RALYL: variants seen among roughly 807,000 people sequenced by gnomAD.
RALYL encodes the protein RNA-binding Raly-like protein.
RALYL carries 29 observed loss-of-function variants against 35.1 expected under a neutral mutation model. The observed-to-expected ratio is 0.83, with a 90% CI of 0.61 to 1.13. RALYL has a LOEUF of 1.13. Among genes scored for constraint, RALYL ranks in the 50% most tolerant of loss-of-function variants. The pLI, the probability that RALYL is intolerant of heterozygous loss-of-function variation, is 0.00. For synonymous variants in RALYL, 120 were observed against 127.6 expected (o/e 0.94, Z 0.40); for missense variants, 359 against 360.4 (o/e 1.00, Z 0.03).
chr8:84,285,954 G>T, intron 1 of RALYL, among the ~76,000 whole-genome samples: 1 of 152,126 alleles, frequency 6.6e-6, no homozygotes, highest in East Asian at 1.9e-4. Context: ...GCCTTAGGGA[G>T]ATCACTGAGG....
chr8:84,795,323 T>C (rs555784546), intron 3 of RALYL, among the ~76,000 whole-genome samples: 6 of 152,324 alleles, frequency 3.9e-5, no homozygotes, highest in African/African-American at 1.2e-4. Flanking sequence ...ACTGCCTGAG[T>C]TATCACCCTG....
intron 1 of RALYL, among the ~76,000 whole-genome samples, chr8:84,238,479 T>G (rs1163727054): frequency 6.6e-6 from 1 of 152,146 alleles, no homozygotes; most frequent in Non-Finnish European, 1.5e-5. Context: ...CACGGTTAAA[T>G]TAACATTTGC....
intron 4 of RALYL, among the ~76,000 whole-genome samples, chr8:84,845,171 A>G (rs1003455835): frequency 6.6e-6 from 1 of 152,188 alleles, no homozygotes; most frequent in Non-Finnish European, 1.5e-5. Context: ...TTGTGAGCTT[A>G]TTTGGTTACA....
At chr8:84,237,007 T>C (rs1308891869) in intron 1 of RALYL, among the ~76,000 whole-genome samples, 2 of 152,170 alleles carry the variant, frequency 1.3e-5, no homozygotes, top group Non-Finnish European at 2.9e-5. Flanking sequence ...TAATGATGGC[T>C]GTCAAAATTT....
At chr8:84,425,079 C>G (rs1018884847) in intron 1 of RALYL, among the ~76,000 whole-genome samples, 4 of 152,242 alleles carry the variant, frequency 2.6e-5, no homozygotes, top group African/African-American at 9.6e-5. Context: ...GGGCTCCACC[C>G]AGTTCGAGCT....
intron 1 of RALYL, among the ~76,000 whole-genome samples, chr8:84,391,787 G>C (rs1860756073): frequency 6.6e-6 from 1 of 152,042 alleles, no homozygotes; most frequent in Non-Finnish European, 1.5e-5. Flanking sequence ...TGAGACTTCA[G>C]TAAATATTGG....
chr8:84,351,612 C>T (rs370630100), intron 1 of RALYL, among the ~76,000 whole-genome samples: 20 of 148,906 alleles, frequency 1.3e-4, no homozygotes, highest in African/African-American at 4.8e-4. Context: ...GATAGTCTCC[C>T]ATATTGTTAA....
At chr8:84,692,397 CAT>C (rs1444158111) in intron 2 of RALYL, among the ~76,000 whole-genome samples, 9 of 152,002 alleles carry the variant, frequency 5.9e-5, no homozygotes, top group Middle Eastern at 3.4e-3. Context: ...AGCAATCAAA[CAT>C]AGAATATGAA....
At chr8:84,452,506 T>C (rs747945194) in intron 1 of RALYL, among the ~76,000 whole-genome samples, 1 of 151,942 alleles carries the variant, frequency 6.6e-6, no homozygotes, top group Non-Finnish European at 1.5e-5. Context: ...TTTTTGGTTC[T>C]CATCTCACTA....
At chr8:84,359,833 T>C (rs1168396234) in intron 1 of RALYL, among the ~76,000 whole-genome samples, 1 of 152,144 alleles carries the variant, frequency 6.6e-6, no homozygotes, top group African/African-American at 2.4e-5. Context: ...CACACATGGC[T>C]TTTTATATTT....
intron 1 of RALYL, among the ~76,000 whole-genome samples, chr8:84,332,909 G>A (rs1355447286): frequency 1.3e-5 from 2 of 152,130 alleles, no homozygotes; most frequent in Non-Finnish European, 2.9e-5. Context: ...TGATCCCTGG[G>A]TGATTTCCCT....
intron 1 of RALYL, among the ~76,000 whole-genome samples, chr8:84,526,497 G>T (rs2058910690): frequency 6.6e-6 from 1 of 152,046 alleles, no homozygotes; most frequent in Non-Finnish European, 1.5e-5. Context: ...ATGATTCTTG[G>T]CCTTCTGCAG....
At chr8:84,823,841 C>T (rs1004795792) in intron 4 of RALYL, among the ~76,000 whole-genome samples, 3 of 151,946 alleles carry the variant, frequency 2.0e-5, no homozygotes, top group East Asian at 3.9e-4. Flanking sequence ...AAAATGCATG[C>T]CTTCTATCAG....
intron 2 of RALYL, among the ~76,000 whole-genome samples, chr8:84,682,554 C>A (rs1004353639): frequency 2.0e-5 from 3 of 152,124 alleles, no homozygotes; most frequent in African/African-American, 7.2e-5. Flanking sequence ...CAACTTCTTC[C>A]TGGTTTAGTG....
intron 1 of RALYL, among the ~76,000 whole-genome samples, chr8:84,254,866 A>T (rs904107322): frequency 3.3e-5 from 5 of 151,992 alleles, no homozygotes; most frequent in African/African-American, 1.2e-4. Context: ...ACAAGGTGGC[A>T]GGAAGAATGA....
chr8:84,412,477 T>G (rs2044204887), intron 1 of RALYL, among the ~76,000 whole-genome samples: 1 of 151,928 alleles, frequency 6.6e-6, no homozygotes, highest in Non-Finnish European at 1.5e-5. Flanking sequence ...GGACATTTTT[T>G]GGTCTGAAGA....
At chr8:84,634,628 A>T (rs1824635589) in intron 2 of RALYL, among the ~76,000 whole-genome samples, 1 of 151,806 alleles carries the variant, frequency 6.6e-6, no homozygotes, top group African/African-American at 2.4e-5. Flanking sequence ...TATTCAATAC[A>T]TTTATTAATA....
chr8:84,633,227 A>C (rs149443265), intron 2 of RALYL, among the ~76,000 whole-genome samples: 3 of 151,960 alleles, frequency 2.0e-5, no homozygotes, highest in African/African-American at 7.2e-5. Flanking sequence ...TGTATTATTC[A>C]GAATGTCCTG....
intron 1 of RALYL, among the ~76,000 whole-genome samples, chr8:84,460,325 T>C (rs918568711): frequency 6.6e-6 from 1 of 151,872 alleles, no homozygotes; most frequent in Non-Finnish European, 1.5e-5. Flanking sequence ...AAAATTCCAC[T>C]CCTACAAATT....
Sources: allele counts gnomAD v4.1 joint callset (sites outside exome capture counted in the v4.1 genomes callset), GRCh38; gene constraint gnomAD v4.1.1; transcripts MANE v1.5; gene names NCBI Gene and HGNC (gene_info 2026-07-23, HGNC 2026-07-21).